The following DARS1 variants were observed in gnomAD, a reference collection of about 807,000 sequenced individuals.
The protein encoded by DARS1 is aspartyl-tRNA synthetase 1.
Under a neutral mutation model 68.8 loss-of-function variants are expected in DARS1, and 51 were observed. That is an observed-to-expected ratio of 0.74 (90% CI 0.59 to 0.94). The LOEUF is 0.94. Ranked by LOEUF, DARS1 falls within the 40% of genes least tolerant of loss-of-function variation. DARS1 has a pLI of 0.00. For missense variants in DARS1, 607 were observed against 597.3 expected (o/e 1.02, Z -0.17); for synonymous variants, 203 against 190.4 (o/e 1.07, Z -0.55).
At chr2:135,980,660 G>C (rs1292270336) in intron 2 of DARS1, 1 of 152,192 alleles carries the variant, frequency 6.6e-6, no homozygotes, top group Non-Finnish European at 1.5e-5. Flanking sequence ...TCAGGCAAAA[G>C]AAAGCGTGAA....
chr2:135,915,106 ATT>A (rs578052635), intron 11 of DARS1, among the ~76,000 whole-genome samples: 48 of 147,488 alleles, frequency 3.3e-4, no homozygotes, highest in African/African-American at 1.0e-3. Context: ...ATATATATAT[ATT>A]TTTTTTTGTT....
chr2:135,933,180 G>A (rs1575390855), intron 6 of DARS1, among the ~76,000 whole-genome samples: 1 of 152,220 alleles, frequency 6.6e-6, no homozygotes, highest in South Asian at 2.1e-4. Flanking sequence ...AAGGTTGAAG[G>A]AACAGATAAA....
chr2:135,919,669 T>C lies in DARS1; in HGVS notation c.959+784A>G, dbSNP rs575151091. ...TAAATAAACAACTTTCAATGACCTGTAAAGGGAAGAGCTCTTTGCCAGTTT... is the reference window on the plus strand; with the variant it reads ...TAAATAAACAACTTTCAATGACCTGCAAAGGGAAGAGCTCTTTGCCAGTTT... On this transcript the variant is annotated intron_variant, in intron 10 of 15. Transcript: ENST00000264161. 7.2e-4 allele frequency among the ~76,000 whole-genome samples: 109 copies of C among 152,332 alleles called. 3 individuals are homozygous for C. The highest frequency in any genetic ancestry group is 2.2e-3 in the African/African-American group (92 of 41,572).
rs1197462010 is a variant in DARS1, at chr2:135,970,130, T to C, written c.218-8632A>G. Among the ~76,000 whole-genome samples, 5 of 151,832 alleles carry C rather than the reference T, an allele frequency of 3.3e-5. No homozygotes were observed. The East Asian group carries it at 9.7e-4, about 29-fold the overall frequency. On this transcript the variant is annotated intron_variant, in intron 3 of 15. Transcript: ENST00000264161. ...AGTGGTGCATAACTACAGTCGCAGC[T>C]ACTTGGGAGGGTGAGGCAGGAGGAT...
chr2:135,920,590 C>A lies in DARS1; in HGVS notation c.822G>T (p.Ala274=), dbSNP rs112205661. ...GATGTCTATGGGTATTAGAGTCTTCCGCTCTGAATACTGTGAAGTTAATAA... is the reference window on the plus strand; with the variant it reads ...GATGTCTATGGGTATTAGAGTCTTCAGCTCTGAATACTGTGAAGTTAATAA... ...KVFSIGPVFR[A]EDSNTHRHLT... is the part of the protein sequence containing the mutation. Residue 274 remains alanine, a synonymous_variant, in exon 10 of 16, where the codon GCG becomes GCT. Coordinates refer to ENST00000264161, the MANE Select transcript of DARS1 (RefSeq NM_001349.4). The A allele has an allele frequency of 6.3e-7, 1 of 1,598,630 alleles. No individual in the cohort carries two copies. The highest frequency in any genetic ancestry group is 8.5e-7 in the Non-Finnish European group (1 of 1,175,018).
At chr2:135,925,755 TG>T (rs1433074617) in intron 7 of DARS1, among the ~76,000 whole-genome samples, 7 of 152,228 alleles carry the variant, frequency 4.6e-5, no homozygotes, top group Non-Finnish European at 1.0e-4. Flanking sequence ...TCACATTATG[TG>T]GTTTAGTGAA....
chr2:135,920,432 G>T, intron 10 of DARS1, 21 bp downstream of exon 10: 1 of 1,602,020 alleles, frequency 6.2e-7, no homozygotes, highest in South Asian at 1.1e-5. Context: ...AGTCCATCTA[G>T]GTGCATAAAA....
chr2:135,911,703 C>T, intron 13 of DARS1: 1 of 431,356 alleles, frequency 2.3e-6, no homozygotes, highest in Non-Finnish European at 4.1e-6. Flanking sequence ...TCCCACACCC[C>T]CCAATAACAA....
chr2:135,907,238 CTTTCTT>C lies in DARS1; in HGVS notation c.*72_*77del. The C allele has an allele frequency of 5.5e-6, 4 of 724,938 alleles. No homozygotes were observed. In the South Asian group the frequency reaches 6.4e-5, roughly 12 times the overall value. 44.9% of individuals were successfully genotyped at this position (724,938 alleles called of 1,614,324 possible). A position where few individuals can be genotyped will look rare whatever the true frequency, so the allele number is the denominator to read the frequency against. On this transcript the variant is annotated 3_prime_UTR_variant, in exon 16 of 16. Coordinates refer to ENST00000264161, the MANE Select transcript of DARS1 (RefSeq NM_001349.4). Reference sequence around the variant, plus strand: ...AGGTTACTGAAAAGAATAAGTGTGGCTTTCTTTTTTTTTTTTTTTTTTTGAGGCAGG... The same window carrying C: ...AGGTTACTGAAAAGAATAAGTGTGGCTTTTTTTTTTTTTTTTTGAGGCAGG...
rs1212590032 is a variant in DARS1 at position 135,905,896 on chromosome 2, T to C, written c.*1420A>G. ...TACATCATTCTAAGACTTTACAAACTTTATTTTGAAACAAGCTATAATTAC... is the reference window on the plus strand; with the variant it reads ...TACATCATTCTAAGACTTTACAAACCTTATTTTGAAACAAGCTATAATTAC... On this transcript the variant is annotated 3_prime_UTR_variant, in exon 16 of 16. Transcript: ENST00000264161. 6.6e-6 allele frequency among the ~76,000 whole-genome samples: 1 copy of C among 152,198 alleles called. No individual in the cohort carries two copies. Among genetic ancestry groups the C allele is most frequent in the African/African-American group, 2.4e-5 (1 of 41,456 alleles).
intron 9 of DARS1, 41 bp downstream of exon 9, chr2:135,922,743 A>G: frequency 1.3e-6 from 2 of 1,495,484 alleles, no homozygotes; most frequent in Non-Finnish European, 8.9e-7. Context: ...ACTGCTGTAT[A>G]ATTAATTAAC....
intron 10 of DARS1, among the ~76,000 whole-genome samples, chr2:135,918,612 G>A (rs1168032441): frequency 2.0e-5 from 3 of 152,138 alleles, no homozygotes; most frequent in African/African-American, 7.2e-5. Context: ...AGTCTAATTT[G>A]TAAGTAGAGA....
chr2:135,907,320 G>A lies in DARS1; in HGVS notation c.1502C>T (p.Pro501Leu). 1 of 1,573,020 alleles carries A rather than the reference G, an allele frequency of 6.4e-7. No individual in the cohort carries two copies. The highest frequency in any genetic ancestry group is 8.6e-7 in the Non-Finnish European group (1 of 1,156,968). The change falls in exon 16 of 16, where the codon CCT becomes CTT. Residue 501 changes from proline (P) to leucine (L), a missense_variant. Coordinates refer to ENST00000264161, the MANE Select transcript of DARS1 (RefSeq NM_001349.4). ...MFPRDPKRLT[P>L] is the part of the protein sequence containing the mutation. ...GTTAAGTGGCAAAGTGTGAATTTAAGGAGTGAGTCGTTTGGGATCACGAGG... is the reference window on the plus strand; with the variant it reads ...GTTAAGTGGCAAAGTGTGAATTTAAAGAGTGAGTCGTTTGGGATCACGAGG...
chr2:135,941,092 A>G (rs1003817671), intron 5 of DARS1, among the ~76,000 whole-genome samples: 1 of 152,224 alleles, frequency 6.6e-6, no homozygotes, highest in Admixed American at 6.5e-5. Context: ...TGCCCAAGGT[A>G]ATTTATAGAT....
chr2:135,948,032 A>T (rs866036126), intron 4 of DARS1, among the ~76,000 whole-genome samples: 14 of 152,240 alleles, frequency 9.2e-5, no homozygotes, highest in South Asian at 2.1e-4. Flanking sequence ...TTAGCCCAGG[A>T]GAATTAATCC....
chr2:135,973,642 C>T (rs927422751), intron 3 of DARS1, among the ~76,000 whole-genome samples: 10 of 151,992 alleles, frequency 6.6e-5, no homozygotes, highest in Admixed American at 3.3e-4. Context: ...ATAGCTTGAG[C>T]TCATGAGTTT....
chr2:135,963,374 CTTTT>C (rs111533002), intron 3 of DARS1, among the ~76,000 whole-genome samples: 2 of 143,728 alleles, frequency 1.4e-5, no homozygotes, highest in Non-Finnish European at 1.5e-5. Flanking sequence ...CTATTAATGA[CTTTT>C]TTTTTTTTTT....
intron 11 of DARS1, chr2:135,914,773 C>G (rs1224710349): frequency 9.5e-6 from 3 of 314,370 alleles, no homozygotes; most frequent in African/African-American, 6.4e-5. Flanking sequence ...TTCATTGATT[C>G]AGAAATATCA....
chr2:135,910,999 C>A, intron 15 of DARS1, 140 bp downstream of exon 15: 2 of 564,668 alleles, frequency 3.5e-6, no homozygotes, highest in Non-Finnish European at 6.4e-6. Flanking sequence ...TTTTATAACA[C>A]ACAAGTTAGC....
Sources: gnomAD v4.1 joint callset for allele counts (sites outside exome capture counted in the v4.1 genomes callset) on GRCh38, gnomAD v4.1.1 for gene constraint, MANE v1.5 for transcripts, NCBI Gene and HGNC (gene_info 2026-07-23, HGNC 2026-07-21) for gene names.